TRERF1: variants seen among roughly 807,000 people sequenced by gnomAD.
The protein encoded by TRERF1 is transcriptional regulating factor 1, also known as transcriptional-regulating factor 1.
TRERF1 carries 27 observed loss-of-function variants against 122.9 expected under a neutral mutation model. The ratio of observed to expected loss-of-function variants is 0.22; its 90% CI spans 0.16 to 0.30. The LOEUF is 0.30. TRERF1 is among the 10% of genes least tolerant of loss of function. The pLI is 1.00. For missense variants in TRERF1, 1,248 were observed against 1,560.3 expected, an observed-to-expected ratio of 0.80 and a Z score of 3.37; for synonymous variants, 636 against 641.7, an observed-to-expected ratio of 0.99 and a Z score of 0.13.
At chr6:42,330,062 G>A (rs764528550) in intron 3 of TRERF1, among the ~76,000 whole-genome samples, 9 of 151,938 alleles carry the variant, frequency 5.9e-5, no homozygotes, top group African/African-American at 2.2e-4. Flanking sequence ...TCAACAAAAC[G>A]AAAAAATTAA....
rs778541598 is a variant in TRERF1 at position 42,232,715 on chromosome 6, G to A, written c.3244C>T (p.Pro1082Ser). 1 of 1,607,350 alleles carries A rather than the reference G, an allele frequency of 6.2e-7. No individual in the cohort carries two copies. Among genetic ancestry groups the A allele is most frequent in the South Asian group, 1.1e-5 (1 of 90,842 alleles). ...TCCTTGCAGGGGAAGATGGTGGTGG[G>A]GTCTGTCTCGCCGCTGGTGGTGCTG... is the stretch of plus-strand genomic sequence containing the variant. Residue 1082 changes from proline to serine, a missense_variant, in exon 17 of 18, where the codon CCC (proline) becomes TCC (serine). By Grantham distance (74) the Pro-to-Ser change is moderately conservative. Around this residue, in one of 5 missense-constraint regions of TRERF1, gnomAD observed 159 missense variants for 221.7 expected, o/e 0.72. Coordinates refer to ENST00000372922, the Ensembl canonical transcript of TRERF1. The surrounding 1 kb of genome is among the most constrained non-coding windows in gnomAD (Gnocchi z 4.5).
chr6:42,381,336 TGAA>T (rs1220844768), intron 2 of TRERF1, among the ~76,000 whole-genome samples: 1 of 144,092 alleles, frequency 6.9e-6, no homozygotes, highest in Non-Finnish European at 1.5e-5. Flanking sequence ...AGGCGCTGGT[TGAA>T]CCAGCGCCTT....
intron 2 of TRERF1, among the ~76,000 whole-genome samples, chr6:42,432,544 A>T (rs1384408814): frequency 1.3e-5 from 2 of 152,210 alleles, no homozygotes; most frequent in Non-Finnish European, 2.9e-5. Context: ...TGCAAATATT[A>T]AAAAATCACA....
At chr6:42,351,997 GGGT>G (rs1470507200) in intron 3 of TRERF1, among the ~76,000 whole-genome samples, 2 of 151,444 alleles carry the variant, frequency 1.3e-5, no homozygotes, top group Non-Finnish European at 2.9e-5. Flanking sequence ...AATTTGGTGC[GGGT>G]GTTGTTGTTG....
intron 3 of TRERF1, among the ~76,000 whole-genome samples, chr6:42,331,887 T>A (rs1765307126): frequency 1.3e-5 from 2 of 152,142 alleles, no homozygotes; most frequent in Admixed American, 6.5e-5. Context: ...GAGTTAGGAA[T>A]GAGGAGTTTG....
At chr6:42,392,425 G>A (rs929183734) in intron 2 of TRERF1, among the ~76,000 whole-genome samples, 1 of 152,084 alleles carries the variant, frequency 6.6e-6, no homozygotes, top group Non-Finnish European at 1.5e-5. Context: ...GCAAACCAAC[G>A]ATAAACGTTA....
At chr6:42,363,234 G>C (rs767285969) in intron 2 of TRERF1, among the ~76,000 whole-genome samples, 155 bp from the exon 3 acceptor site, 1 of 152,310 alleles carries the variant, frequency 6.6e-6, no homozygotes, top group Non-Finnish European at 1.5e-5. Flanking sequence ...CCCAGCAAAG[G>C]CTGCTGAGGA....
intron 3 of TRERF1, among the ~76,000 whole-genome samples, chr6:42,322,486 T>C (rs1583029269): frequency 6.6e-6 from 1 of 152,072 alleles, no homozygotes; most frequent in East Asian, 1.9e-4. Flanking sequence ...TAAAGCAAAA[T>C]GCCCTTTTCA....
At chr6:42,342,632 G>A (rs1767504101) in intron 3 of TRERF1, among the ~76,000 whole-genome samples, 1 of 152,180 alleles carries the variant, frequency 6.6e-6, no homozygotes, top group African/African-American at 2.4e-5. Context: ...CATCCATACA[G>A]TGCTTAAATC....
At chr6:42,435,844 G>A (rs1275331140) in intron 2 of TRERF1, among the ~76,000 whole-genome samples, 2 of 151,738 alleles carry the variant, frequency 1.3e-5, no homozygotes, top group Admixed American at 6.6e-5. Flanking sequence ...GCTAGGCGTG[G>A]TGGGGGGCAC....
intron 4 of TRERF1, among the ~76,000 whole-genome samples, chr6:42,282,636 C>T (rs1005613225): frequency 3.9e-5 from 6 of 152,150 alleles, no homozygotes; most frequent in Non-Finnish European, 2.9e-5. Flanking sequence ...AATGGAAAGA[C>T]GTCCAAGGTT....
At chr6:42,260,825 G>A (rs575774173) in intron 8 of TRERF1, among the ~76,000 whole-genome samples, 2 of 152,128 alleles carry the variant, frequency 1.3e-5, no homozygotes, top group African/African-American at 4.8e-5. Flanking sequence ...CTGCCCCATG[G>A]GCTCCTCTGC....
intron 3 of TRERF1, among the ~76,000 whole-genome samples, chr6:42,335,064 G>A (rs1765906992): frequency 6.6e-6 from 1 of 152,228 alleles, no homozygotes. Flanking sequence ...GGCCACAGAA[G>A]TGGCTTCAAG....
At chr6:42,238,357 T>C (rs1772765049) in intron 15 of TRERF1, among the ~76,000 whole-genome samples, 2 of 152,230 alleles carry the variant, frequency 1.3e-5, no homozygotes, top group African/African-American at 4.8e-5. Context: ...CACTGTACCA[T>C]GATTATGTAT....
At chr6:42,256,596 G>T in intron 12 of TRERF1, 132 bp downstream of exon 12, 1 of 692,496 alleles carries the variant, frequency 1.4e-6, no homozygotes. Context: ...AGAAGGAATA[G>T]GGAGGCGTGC....
chr6:42,309,203 T>C (rs112224168), intron 3 of TRERF1, among the ~76,000 whole-genome samples: 7 of 152,324 alleles, frequency 4.6e-5, no homozygotes, highest in African/African-American at 1.4e-4. Context: ...TTTGGATGAA[T>C]CCATAATGAC....
At chr6:42,350,336 T>C (rs900960057) in intron 3 of TRERF1, among the ~76,000 whole-genome samples, 2 of 152,262 alleles carry the variant, frequency 1.3e-5, no homozygotes, top group Non-Finnish European at 2.9e-5. Context: ...TAAAACTACA[T>C]TTAATTTCCC....
At chr6:42,266,938 G>A (rs969092072) in intron 5 of TRERF1, among the ~76,000 whole-genome samples, 1 of 152,138 alleles carries the variant, frequency 6.6e-6, no homozygotes, top group Non-Finnish European at 1.5e-5. Context: ...AGACAGTTTT[G>A]CTTATTTACT....
chr6:42,361,312 T>C (rs1439310046), intron 3 of TRERF1, among the ~76,000 whole-genome samples: 1 of 152,218 alleles, frequency 6.6e-6, no homozygotes, highest in Non-Finnish European at 1.5e-5. Flanking sequence ...TTGGTGGTTA[T>C]AAGCCTCCAC....
Sources: gnomAD v4.1 joint callset for allele counts (sites outside exome capture counted in the v4.1 genomes callset) on GRCh38, gnomAD v4.1.1 for gene constraint, gnomAD v4.1.1 regional missense constraint, Gnocchi (gnomAD v3.1) non-coding constraint, MANE v1.5 for transcripts, NCBI Gene and HGNC (gene_info 2026-07-23, HGNC 2026-07-21) for gene names.